Variants in ADAM23 observed in about 807,000 individuals in gnomAD.
ADAM23 encodes ADAM metallopeptidase domain 23.
ADAM23 carries 33 observed loss-of-function variants against 120.1 expected under a neutral mutation model. The ratio of observed to expected loss-of-function variants is 0.27; its 90% CI spans 0.21 to 0.37. The LOEUF is 0.37. ADAM23 is among the 10% of genes least tolerant of loss of function. The probability of loss-of-function intolerance (pLI) is 1.00; values close to 1 mark genes in which losing one functional copy is unlikely to be tolerated. For missense variants in ADAM23, 862 were observed against 1,058.2 expected, an observed-to-expected ratio of 0.81 and a Z score of 2.57; for synonymous variants, 367 against 375.2, an observed-to-expected ratio of 0.98 and a Z score of 0.25.
rs187036248 is a variant in ADAM23, at chr2:206,592,790, C to T, written c.2078+54C>T. The T allele has an allele frequency of 3.9e-6, 6 of 1,533,840 alleles. No homozygotes were observed. The East Asian group carries it at 1.4e-4, about 35-fold the overall frequency. On this transcript the variant is annotated intron_variant, in intron 22 of 25. Transcript: ENST00000264377. ...TAAGCCATGAGAATTACAAATTTCA[C>T]AAAATGAAATTTCAAAAAAATCAGA...
chr2:206,470,820 T>A (rs193206737), intron 2 of ADAM23, among the ~76,000 whole-genome samples: 47 of 152,332 alleles, frequency 3.1e-4, no homozygotes, highest in Non-Finnish European at 5.1e-4. Context: ...CAGAGAACAC[T>A]GAACTTTTCC....
intron 3 of ADAM23, among the ~76,000 whole-genome samples, chr2:206,507,121 A>AT (rs1248459267): frequency 3.3e-5 from 5 of 152,168 alleles, no homozygotes; most frequent in African/African-American, 1.2e-4. Context: ...TTTTTTAACT[A>AT]TAAGAAAGTA....
intron 24 of ADAM23, among the ~76,000 whole-genome samples, chr2:206,604,436 T>C (rs1324062475): frequency 1.3e-5 from 2 of 152,034 alleles, no homozygotes; most frequent in African/African-American, 4.8e-5. Flanking sequence ...GTTCAGGTGG[T>C]TTTGAGTTCT....
In ADAM23 at chr2:206,609,853, TGTG is replaced by T. The variant is rs1282413845; in HGVS notation, c.2360-54_2360-52del. Reference sequence around the variant, plus strand: ...TGAAACTGCTTAACTGCCTTTCCCTTGTGGTAACGAAAGTGGTTGGTTCATATG... The same window carrying T: ...TGAAACTGCTTAACTGCCTTTCCCTTGTAACGAAAGTGGTTGGTTCATATG... On this transcript the variant is annotated intron_variant, in intron 24 of 25. Transcript: ENST00000264377. The T allele has an allele frequency of 4.1e-5, 59 of 1,437,816 alleles. 1 individual carries two copies. In the East Asian group the frequency reaches 1.1e-3, roughly 27 times the overall value. The allele number at this position is 1,437,816 out of a possible 1,614,324, so 89.1% of individuals were successfully genotyped here.
chr2:206,501,041 A>G (rs1467164069), intron 3 of ADAM23, among the ~76,000 whole-genome samples: 1 of 150,062 alleles, frequency 6.7e-6, no homozygotes, highest in Non-Finnish European at 1.5e-5. Flanking sequence ...AATTGCAGGG[A>G]TTTATACAGG....
intron 18 of ADAM23, among the ~76,000 whole-genome samples, chr2:206,586,150 T>A (rs1347122341): frequency 6.6e-6 from 1 of 152,222 alleles, no homozygotes; most frequent in East Asian, 1.9e-4. Context: ...GTCACAGAGA[T>A]GACGGGGTGA....
At chr2:206,548,249 A>C in intron 7 of ADAM23, 32 bp from the exon 8 acceptor site, 1 of 1,592,246 alleles carries the variant, frequency 6.3e-7, no homozygotes, top group Non-Finnish European at 8.6e-7. Flanking sequence ...AAATAAGCAT[A>C]AAATTTTGAT....
chr2:206,510,305 CAT>C (rs1696596170), intron 3 of ADAM23, among the ~76,000 whole-genome samples: 2 of 152,066 alleles, frequency 1.3e-5, no homozygotes, highest in South Asian at 2.1e-4. Context: ...TATAACAAAA[CAT>C]ATTACTTGCT....
intron 2 of ADAM23, among the ~76,000 whole-genome samples, chr2:206,474,964 G>A (rs569450598): frequency 2.0e-5 from 3 of 152,208 alleles, no homozygotes; most frequent in South Asian, 4.1e-4. Context: ...AAAACATTGA[G>A]GCTTGCAGAT....
intron 9 of ADAM23, among the ~76,000 whole-genome samples, chr2:206,555,414 C>G (rs374118994): frequency 2.0e-5 from 3 of 152,276 alleles, no homozygotes; most frequent in East Asian, 3.9e-4. Flanking sequence ...CGTAGTGGTA[C>G]TTGAATTCAC....
chr2:206,508,440 G>C (rs1354449769), intron 3 of ADAM23, among the ~76,000 whole-genome samples: 1 of 152,032 alleles, frequency 6.6e-6, no homozygotes, highest in Non-Finnish European at 1.5e-5. Context: ...CGGATCACCT[G>C]AGGTCAGGAG....
At chr2:206,458,387 G>T (rs995446207) in intron 2 of ADAM23, among the ~76,000 whole-genome samples, 1 of 152,188 alleles carries the variant, frequency 6.6e-6, no homozygotes, top group Non-Finnish European at 1.5e-5. Context: ...GACAGTTGTG[G>T]CGAGGGGTGA....
intron 3 of ADAM23, among the ~76,000 whole-genome samples, chr2:206,509,748 C>G (rs1483567080): frequency 6.6e-6 from 1 of 152,182 alleles, no homozygotes; most frequent in Non-Finnish European, 1.5e-5. Context: ...TGCGCCCAGC[C>G]TGTATTTTCT....
intron 3 of ADAM23, among the ~76,000 whole-genome samples, chr2:206,530,071 A>T (rs1299483958): frequency 6.6e-6 from 1 of 152,190 alleles, no homozygotes; most frequent in Non-Finnish European, 1.5e-5. Flanking sequence ...AGCCTCCCAG[A>T]GTGCTGGGAT....
intron 10 of ADAM23, among the ~76,000 whole-genome samples, chr2:206,558,921 T>TTTGTTTGTTTG (rs1559263703): frequency 7.4e-6 from 1 of 134,800 alleles, no homozygotes. Context: ...ATCCATTGGT[T>TTTGTTTGTTTG]TTTGTTTGTT....
chr2:206,470,674 G>A (rs915707574), intron 2 of ADAM23, among the ~76,000 whole-genome samples: 2 of 152,164 alleles, frequency 1.3e-5, no homozygotes, highest in Non-Finnish European at 2.9e-5. Flanking sequence ...TTTGTAAAAT[G>A]GAGAAATCCA....
rs201146986 is a variant in ADAM23, at chr2:206,550,102, G to A, written c.875G>A (p.Arg292His). 86 of 1,570,658 alleles carry A rather than the reference G, an allele frequency of 5.5e-5. No individual in the cohort carries two copies. In the South Asian group the frequency reaches 5.9e-4, roughly 11 times the overall value. ...KRRKRAVNPS[R>H]GIFEEMKYLE... ...TATTTTTATTTTCCGTAGCCATCAC[G>A]TGGTATATTTGAAGAAATGAAATAT... Residue 292 changes from arginine (R) to histidine (H), a missense_variant, in exon 9 of 26, where the codon CGT (arginine) becomes CAT (histidine). This residue lies in a region of ADAM23 where 617 missense variants were observed against 813.5 expected (regional missense o/e 0.76). Coordinates refer to ENST00000264377, the MANE Select transcript of ADAM23 (RefSeq NM_003812.4).
At chr2:206,599,030 A>C (rs10932155) in intron 24 of ADAM23, among the ~76,000 whole-genome samples, 128,307 of 151,662 alleles carry the variant, frequency 0.85, 54,393 homozygotes, top group African/African-American at 0.89. Context: ...CATGGTGAAA[A>C]CCCATCTCTA....
intron 2 of ADAM23, among the ~76,000 whole-genome samples, chr2:206,480,262 G>C (rs962621779): frequency 6.6e-6 from 1 of 152,074 alleles, no homozygotes; most frequent in Non-Finnish European, 1.5e-5. Context: ...GAGGAGCATG[G>C]GGTAGTATTG....
Sources: gnomAD v4.1 joint callset for allele counts (sites outside exome capture counted in the v4.1 genomes callset) on GRCh38, gnomAD v4.1.1 for gene constraint, gnomAD v4.1.1 regional missense constraint, MANE v1.5 for transcripts, NCBI Gene and HGNC (gene_info 2026-07-23, HGNC 2026-07-21) for gene names.